RAP1GDS1: variants seen among roughly 807,000 people sequenced by gnomAD.
The protein encoded by RAP1GDS1 is Rap1 GTPase-GDP dissociation stimulator 1.
Under a neutral mutation model 71.1 loss-of-function variants are expected in RAP1GDS1, and 35 were observed. That is an observed-to-expected ratio of 0.49 (90% confidence interval 0.38 to 0.65). RAP1GDS1 has a LOEUF of 0.65. Among genes scored for constraint, RAP1GDS1 ranks in the 30% least tolerant of loss-of-function variants. The probability of loss-of-function intolerance (pLI) is 0.00; values close to 1 mark genes in which losing one functional copy is unlikely to be tolerated. For missense variants in RAP1GDS1, 663 were observed against 706.1 expected (o/e 0.94, Z 0.69); for synonymous variants, 229 against 243.1 (o/e 0.94, Z 0.54).
chr4:98,292,559 T>C (rs1442500376), intron 1 of RAP1GDS1, among the ~76,000 whole-genome samples: 1 of 146,904 alleles, frequency 6.8e-6, no homozygotes, highest in African/African-American at 2.6e-5. Context: ...GAACTTAAAG[T>C]ATAATAAAAG....
intron 6 of RAP1GDS1, 177 bp downstream of exon 6, chr4:98,392,257 G>A (rs950958026): frequency 1.4e-5 from 8 of 559,328 alleles, no homozygotes; most frequent in African/African-American, 7.7e-5. Context: ...TCTTATGATT[G>A]CATTGTTTAT....
chr4:98,376,596 A>T (rs28373747), intron 4 of RAP1GDS1, among the ~76,000 whole-genome samples: 8,016 of 151,938 alleles, frequency 0.053, 508 homozygotes, highest in African/African-American at 0.16. Flanking sequence ...AAATATTTTT[A>T]AAAAAATGCT....
At chr4:98,438,970 T>C (rs1373527378) in intron 14 of RAP1GDS1, among the ~76,000 whole-genome samples, 1 of 152,192 alleles carries the variant, frequency 6.6e-6, no homozygotes, top group Non-Finnish European at 1.5e-5. Context: ...TGTTACAACT[T>C]TTCTTTCAAC....
chr4:98,391,812 A>G, intron 5 of RAP1GDS1, 140 bp from the exon 6 acceptor site: 1 of 826,864 alleles, frequency 1.2e-6, no homozygotes, highest in Non-Finnish European at 1.8e-6. Context: ...AATCATATGA[A>G]TGGACTTCAT....
intron 6 of RAP1GDS1, among the ~76,000 whole-genome samples, chr4:98,401,017 A>C (rs1291634755): frequency 1.3e-5 from 2 of 152,172 alleles, no homozygotes; most frequent in African/African-American, 4.8e-5. Flanking sequence ...TTCCACCAAA[A>C]CAAGGGATTT....
chr4:98,286,755 A>G (rs13130131), intron 1 of RAP1GDS1, among the ~76,000 whole-genome samples: 58,358 of 151,560 alleles, frequency 0.39, 12,945 homozygotes, highest in African/African-American at 0.62. Flanking sequence ...GCGTGGTGGC[A>G]GGTGCCTGTA....
chr4:98,292,768 C>T (rs1179133767), intron 1 of RAP1GDS1, among the ~76,000 whole-genome samples: 1 of 151,978 alleles, frequency 6.6e-6, no homozygotes, highest in Non-Finnish European at 1.5e-5. Flanking sequence ...AACAAAAGCT[C>T]TTTGGGATTC....
intron 2 of RAP1GDS1, among the ~76,000 whole-genome samples, chr4:98,334,475 C>T (rs1272236615): frequency 3.3e-5 from 5 of 152,110 alleles, no homozygotes; most frequent in Admixed American, 3.3e-4. Context: ...CTTTTGTTTG[C>T]CAGTCTGATT....
intron 12 of RAP1GDS1, among the ~76,000 whole-genome samples, chr4:98,423,342 A>G (rs1316898996): frequency 6.6e-6 from 1 of 152,246 alleles, no homozygotes; most frequent in Non-Finnish European, 1.5e-5. Context: ...GAAACTGCAA[A>G]TAAAGCAGTA....
intron 5 of RAP1GDS1, among the ~76,000 whole-genome samples, chr4:98,384,018 T>C (rs1742381339): frequency 6.6e-6 from 1 of 151,584 alleles, no homozygotes; most frequent in Admixed American, 6.6e-5. Context: ...AAATTATTTT[T>C]ACCTTACTCT....
rs1432886691 is a variant in RAP1GDS1 at position 98,429,469 on chromosome 4, G to T, written c.1441-4467G>T. On this transcript the variant is annotated intron_variant, in intron 12 of 14. Transcript: ENST00000408927. ...TATCAGGATGCAAAGACATAAGAAT[G>T]ACACAACAGACTTTGGGGACTTAGG... Among the ~76,000 whole-genome samples, 5 of 152,130 alleles carry T rather than the reference G, an allele frequency of 3.3e-5. No individual in the cohort carries two copies. In the East Asian group the frequency reaches 7.8e-4, roughly 24 times the overall value.
intron 2 of RAP1GDS1, among the ~76,000 whole-genome samples, chr4:98,299,066 C>T (rs1728196717): frequency 6.6e-6 from 1 of 152,162 alleles, no homozygotes; most frequent in African/African-American, 2.4e-5. Context: ...CAGCCCCCTA[C>T]CCTACGACAG....
chr4:98,364,814 G>A (rs977188428), intron 4 of RAP1GDS1, among the ~76,000 whole-genome samples: 1 of 151,764 alleles, frequency 6.6e-6, no homozygotes, highest in African/African-American at 2.4e-5. Flanking sequence ...GATCACTGGA[G>A]TCCAGGAGTT....
chr4:98,311,220 A>G (rs1360218764), intron 2 of RAP1GDS1, among the ~76,000 whole-genome samples: 1 of 152,204 alleles, frequency 6.6e-6, no homozygotes, highest in Non-Finnish European at 1.5e-5. Context: ...GTTTTCACAC[A>G]ATTTGTTATC....
At chr4:98,329,207 T>C (rs1292729684) in intron 2 of RAP1GDS1, among the ~76,000 whole-genome samples, 7 of 152,170 alleles carry the variant, frequency 4.6e-5, no homozygotes, top group Admixed American at 4.6e-4. Flanking sequence ...GGGGGGGCAG[T>C]CAAATAAGGA....
chr4:98,317,047 T>A (rs1239144502), intron 2 of RAP1GDS1, among the ~76,000 whole-genome samples: 3 of 152,154 alleles, frequency 2.0e-5, no homozygotes, highest in African/African-American at 7.2e-5. Flanking sequence ...CATTATAATC[T>A]TTTCTTTTCC....
intron 3 of RAP1GDS1, among the ~76,000 whole-genome samples, chr4:98,345,181 GAC>G (rs1420565844): frequency 6.6e-6 from 1 of 152,094 alleles, no homozygotes; most frequent in East Asian, 1.9e-4. Context: ...AATGCAACCT[GAC>G]ACAACATAGT....
At chr4:98,382,629 A>G (rs968334413) in intron 5 of RAP1GDS1, among the ~76,000 whole-genome samples, 8 of 151,656 alleles carry the variant, frequency 5.3e-5, no homozygotes, top group African/African-American at 1.9e-4. Context: ...CAATGCCAAA[A>G]CATTGCAGTG....
At position 98,318,123 on chromosome 4, in the gene RAP1GDS1, G is replaced by A. The variant is rs546527023; in HGVS notation, c.112+24608G>A. On this transcript the variant is annotated intron_variant, in intron 2 of 14. Coordinates refer to ENST00000408927, the MANE Select transcript of RAP1GDS1 (RefSeq NM_001100427.2). ...CTCCTAAAGTGTTGGGATTACAGGC[G>A]TGAGCCACCGCGTCCAGTGATATCT... Among the ~76,000 whole-genome samples the A allele has an allele frequency of 3.9e-5, 6 of 152,252 alleles. No individual in the cohort carries two copies. The South Asian group carries it at 8.3e-4, about 21-fold the overall frequency.
Sources: allele counts gnomAD v4.1 joint callset (sites outside exome capture counted in the v4.1 genomes callset), GRCh38; gene constraint gnomAD v4.1.1; transcripts MANE v1.5; gene names NCBI Gene and HGNC (gene_info 2026-07-23, HGNC 2026-07-21).